The following HNRNPUL1 variants were observed in gnomAD, a reference collection of about 807,000 sequenced individuals.
HNRNPUL1 encodes heterogeneous nuclear ribonucleoprotein U-like protein 1.
Under a neutral mutation model 108.5 loss-of-function variants are expected in HNRNPUL1, and 14 were observed. That is an observed-to-expected ratio of 0.13 (90% CI 0.09 to 0.20). HNRNPUL1 has a LOEUF of 0.20. HNRNPUL1 is among the 10% of genes least tolerant of loss of function. HNRNPUL1 has a pLI of 1.00. For missense variants in HNRNPUL1, 804 were observed against 1,168.3 expected (o/e 0.69, Z 4.55); for synonymous variants, 422 against 445.2 (o/e 0.95, Z 0.66).
intron 13 of HNRNPUL1, among the ~76,000 whole-genome samples, chr19:41,304,728 G>C (rs117575156): frequency 2.6e-5 from 4 of 152,182 alleles, no homozygotes; most frequent in African/African-American, 9.7e-5. Context: ...GCAGCTCCAG[G>C]CTCAGTTCCC....
intron 4 of HNRNPUL1, among the ~76,000 whole-genome samples, chr19:41,275,829 G>A (rs903062436): frequency 3.3e-5 from 5 of 152,156 alleles, no homozygotes; most frequent in Non-Finnish European, 7.4e-5. Context: ...CAGGCCGGGC[G>A]TGGTGGCTCA....
At position 41,274,056 on chromosome 19, in the gene HNRNPUL1, G is replaced by A; in HGVS notation, c.646+1G>A. 3 of 1,612,986 alleles carry A rather than the reference G, an allele frequency of 1.9e-6. No individual in the cohort carries two copies. Among genetic ancestry groups the A allele is most frequent in the Non-Finnish European group, 1.7e-6 (2 of 1,178,948 alleles). Reference sequence around the variant, plus strand: ...GATACCCTTGTTGCTATTGACACCTGTAAGTCTTTGGAGTGTGCATCTAAT... The same window carrying A: ...GATACCCTTGTTGCTATTGACACCTATAAGTCTTTGGAGTGTGCATCTAAT... On this transcript the variant is annotated splice_donor_variant, in intron 4 of 14. Transcript: ENST00000392006. LOFTEE classifies it high-confidence loss of function.
intron 10 of HNRNPUL1, among the ~76,000 whole-genome samples, chr19:41,300,974 T>C (rs1278592197): frequency 6.6e-6 from 1 of 152,156 alleles, no homozygotes; most frequent in Non-Finnish European, 1.5e-5. Context: ...CTATAGGTAT[T>C]ACACAGCCAT....
At chr19:41,305,023 TTAG>T (rs2037457677) in intron 13 of HNRNPUL1, among the ~76,000 whole-genome samples, 1 of 152,140 alleles carries the variant, frequency 6.6e-6, no homozygotes, top group Non-Finnish European at 1.5e-5. Context: ...CATAAAGGTG[TTAG>T]TAGAAGTCCC....
At chr19:41,281,142 T>C in intron 6 of HNRNPUL1, 21 bp from the exon 7 acceptor site, 1 of 1,560,548 alleles carries the variant, frequency 6.4e-7, no homozygotes. Context: ...TTAACCTGCC[T>C]TTGCCTATTT....
At chr19:41,265,057 C>G in intron 1 of HNRNPUL1, 2 of 1,402,286 alleles carry the variant, frequency 1.4e-6, no homozygotes, top group Non-Finnish European at 1.8e-6. Context: ...GGGAGGATTC[C>G]GTACCGTAGG....
chr19:41,277,523 T>C (rs2035641749), intron 5 of HNRNPUL1, among the ~76,000 whole-genome samples: 1 of 152,244 alleles, frequency 6.6e-6, no homozygotes, highest in Non-Finnish European at 1.5e-5. Context: ...TTTTTGTTTT[T>C]GAGATGGAGT....
intron 7 of HNRNPUL1, among the ~76,000 whole-genome samples, chr19:41,285,792 G>A (rs1030976484): frequency 6.6e-6 from 1 of 151,936 alleles, no homozygotes; most frequent in Middle Eastern, 3.2e-3. Context: ...CCTAAACAAT[G>A]GGCTGACCCT....
chr19:41,263,040 C>CCAA (rs2034596029), upstream of HNRNPUL1: 1 of 59,218 alleles, frequency 1.7e-5, no homozygotes, highest in Non-Finnish European at 3.2e-5. Context: ...GACTCCGTCT[C>CCAA]AAAAAAAAAA....
intron 8 of HNRNPUL1, among the ~76,000 whole-genome samples, chr19:41,293,565 A>G (rs1014157953): frequency 1.3e-5 from 2 of 152,202 alleles, no homozygotes; most frequent in African/African-American, 2.4e-5. Flanking sequence ...ATTAGATACA[A>G]TTCATGTCCT....
At chr19:41,265,437 T>A in intron 1 of HNRNPUL1, 1 of 1,403,080 alleles carries the variant, frequency 7.1e-7, no homozygotes, top group Non-Finnish European at 9.4e-7. Flanking sequence ...CTAGTGAGCA[T>A]TTAGGGGCTG....
At position 41,272,116 on chromosome 19, in the gene HNRNPUL1, C is replaced by T. The variant is rs1439553997; in HGVS notation, c.453C>T (p.Thr151=). 6.2e-7 allele frequency: 1 copy of T among 1,614,114 alleles called. No homozygotes were observed. Among genetic ancestry groups the T allele is most frequent in the South Asian group, 1.1e-5 (1 of 91,086 alleles). ...MKTEMKQGAP[T]SFLPPEASQL... is the part of the protein sequence containing the mutation. Reference sequence around the variant, plus strand: ...CAGAGATGAAGCAAGGAGCACCCACCAGCTTCCTCCCGCCTGAAGCTTCTC... The same window carrying T: ...CAGAGATGAAGCAAGGAGCACCCACTAGCTTCCTCCCGCCTGAAGCTTCTC... Residue 151 remains threonine, a synonymous_variant, in exon 3 of 15, where the codon ACC becomes ACT. Coordinates refer to ENST00000392006, the MANE Select transcript of HNRNPUL1 (RefSeq NM_007040.6).
intron 7 of HNRNPUL1, among the ~76,000 whole-genome samples, chr19:41,291,707 G>C (rs969520004): frequency 5.9e-5 from 9 of 152,072 alleles, no homozygotes; most frequent in African/African-American, 1.9e-4. Context: ...TTTAGGACAG[G>C]TGCAGTGGCT....
intron 1 of HNRNPUL1, chr19:41,265,379 G>A: frequency 6.6e-7 from 1 of 1,518,894 alleles, no homozygotes; most frequent in Non-Finnish European, 8.8e-7. Context: ...AGGCGCTGGT[G>A]TCTGTGGCTG....
Position 41,307,773 on chromosome 19 carries a change from A to G in HNRNPUL1, c.*1208A>G, listed in dbSNP as rs563988590. The stretch of plus-strand genomic sequence containing the variant: ...GAAATTATTTACTCATTCATTAAAC[A>G]ACTTAACTGAGGGATTCATGTGCCT... On this transcript the variant is annotated 3_prime_UTR_variant, in exon 15 of 15. Transcript: ENST00000392006. 4.6e-5 allele frequency among the ~76,000 whole-genome samples: 7 copies of G among 152,286 alleles called. No individual in the cohort carries two copies. Among genetic ancestry groups the G allele is most frequent in the Non-Finnish European group, 8.8e-5 (6 of 68,036 alleles).
intron 5 of HNRNPUL1, 60 bp downstream of exon 5, chr19:41,276,358 T>C: frequency 1.3e-6 from 2 of 1,530,962 alleles, no homozygotes; most frequent in Non-Finnish European, 1.8e-6. Context: ...AATATCCTGA[T>C]ACCAGCCACC....
intron 1 of HNRNPUL1, among the ~76,000 whole-genome samples, chr19:41,267,820 C>T (rs891831016): frequency 1.3e-5 from 2 of 152,192 alleles, no homozygotes; most frequent in Middle Eastern, 3.2e-3. Context: ...GTTTTAGTTC[C>T]ACCTCTGAGC....
chr19:41,277,952 CTT>C (rs34512016), intron 5 of HNRNPUL1, among the ~76,000 whole-genome samples: 242 of 137,016 alleles, frequency 1.8e-3, no homozygotes, highest in African/African-American at 5.3e-3. Context: ...AGTCAGAAGG[CTT>C]TTTTTTTTTT....
At chr19:41,278,051 G>A (rs927687657) in intron 5 of HNRNPUL1, among the ~76,000 whole-genome samples, 2 of 149,332 alleles carry the variant, frequency 1.3e-5, no homozygotes, top group African/African-American at 5.0e-5. Context: ...TTGTTTGTTT[G>A]ATTGTTTGTT....
Sources: allele counts gnomAD v4.1 joint callset (sites outside exome capture counted in the v4.1 genomes callset), GRCh38; gene constraint gnomAD v4.1.1; transcripts MANE v1.5; gene names NCBI Gene and HGNC (gene_info 2026-07-23, HGNC 2026-07-21).